The following DLG2 variants were observed in gnomAD, a reference collection of about 807,000 sequenced individuals.
DLG2 encodes discs large MAGUK scaffold protein 2, also known as disks large homolog 2.
In DLG2, 45 loss-of-function variants were observed where a neutral mutation model predicts 132.5. The ratio of observed to expected loss-of-function variants is 0.34; its 90% CI spans 0.27 to 0.44. The LOEUF (loss-of-function observed/expected upper bound fraction) is 0.44, where lower values mean the gene tolerates loss of function less well. Among genes scored for constraint, DLG2 ranks in the 20% least tolerant of loss-of-function variants. The pLI is 1.00. For missense variants in DLG2, 1,045 were observed against 1,196.9 expected, an observed-to-expected ratio of 0.87 and a Z score of 1.87; for synonymous variants, 424 against 419.6, an observed-to-expected ratio of 1.01 and a Z score of -0.13.
chr11:84,817,663 T>C (rs1176011861), intron 6 of DLG2, among the ~76,000 whole-genome samples: 2 of 152,022 alleles, frequency 1.3e-5, no homozygotes, highest in African/African-American at 2.4e-5. Context: ...ATGCATATTA[T>C]GTATTCTCTA....
chr11:85,116,743 A>G (rs910990767), intron 5 of DLG2, among the ~76,000 whole-genome samples: 3 of 152,030 alleles, frequency 2.0e-5, no homozygotes, highest in Non-Finnish European at 4.4e-5. Flanking sequence ...ATGAGATTCC[A>G]AAGGAGGCTA....
chr11:85,173,183 G>T (rs985365694), intron 4 of DLG2, among the ~76,000 whole-genome samples: 1 of 152,044 alleles, frequency 6.6e-6, no homozygotes, highest in Non-Finnish European at 1.5e-5. Flanking sequence ...GATTCTCCTA[G>T]GTTGAAATGA....
At chr11:84,149,125 T>C (rs111791008) in intron 9 of DLG2, among the ~76,000 whole-genome samples, 2 of 152,292 alleles carry the variant, frequency 1.3e-5, no homozygotes, top group African/African-American at 4.8e-5. Context: ...TATTAGACCT[T>C]TGTAGATGTA....
chr11:85,416,567 T>C (rs1597131688), intron 3 of DLG2, among the ~76,000 whole-genome samples: 1 of 152,178 alleles, frequency 6.6e-6, no homozygotes, highest in South Asian at 2.1e-4. Flanking sequence ...ATTCTTCCTA[T>C]CCATCAGTAT....
intron 3 of DLG2, among the ~76,000 whole-genome samples, chr11:85,422,181 A>G (rs2090368131): frequency 6.6e-6 from 1 of 152,224 alleles, no homozygotes; most frequent in Non-Finnish European, 1.5e-5. Context: ...ATCTTTTTGC[A>G]ATGAATTTCC....
intron 19 of DLG2, among the ~76,000 whole-genome samples, chr11:83,621,860 G>A (rs113560028): frequency 5.9e-4 from 90 of 152,076 alleles, no homozygotes; most frequent in Middle Eastern, 3.4e-3. Flanking sequence ...GTGTTCCCCC[G>A]TCCCACACCT....
At chr11:84,411,052 C>A (rs1253414484) in intron 7 of DLG2, among the ~76,000 whole-genome samples, 1 of 152,192 alleles carries the variant, frequency 6.6e-6, no homozygotes, top group Non-Finnish European at 1.5e-5. Flanking sequence ...CTCCATACAT[C>A]TAAACAAACC....
chr11:84,054,725 T>C (rs1209612707), intron 11 of DLG2, among the ~76,000 whole-genome samples: 1 of 152,032 alleles, frequency 6.6e-6, no homozygotes, highest in African/African-American at 2.4e-5. Flanking sequence ...ATAGACCAAA[T>C]CAATACAGAG....
intron 7 of DLG2, among the ~76,000 whole-genome samples, chr11:84,376,327 G>A (rs1319397292): frequency 2.0e-5 from 3 of 151,878 alleles, no homozygotes; most frequent in Non-Finnish European, 4.4e-5. Flanking sequence ...CAGATTCTAT[G>A]GATGAAGGCA....
chr11:84,837,815 C>G (rs1048784737), intron 6 of DLG2, among the ~76,000 whole-genome samples: 3 of 151,784 alleles, frequency 2.0e-5, no homozygotes, highest in Admixed American at 6.6e-5. Flanking sequence ...CAGTGACACA[C>G]CACTCTTGCT....
chr11:84,361,510 A>G (rs2098649545), intron 7 of DLG2, among the ~76,000 whole-genome samples: 1 of 152,000 alleles, frequency 6.6e-6, no homozygotes, highest in East Asian at 1.9e-4. Flanking sequence ...AAATCTTATA[A>G]TATTCATTGC....
At chr11:84,566,557 T>C (rs1193809942) in intron 6 of DLG2, among the ~76,000 whole-genome samples, 1 of 152,178 alleles carries the variant, frequency 6.6e-6, no homozygotes, top group Non-Finnish European at 1.5e-5. Context: ...AAAAGTTGAA[T>C]ATATAGAAGA....
intron 3 of DLG2, among the ~76,000 whole-genome samples, chr11:85,451,269 T>C (rs1474807071): frequency 6.6e-6 from 1 of 152,132 alleles, no homozygotes; most frequent in Non-Finnish European, 1.5e-5. Flanking sequence ...AAATATTACC[T>C]AAAAATACAT....
chr11:85,091,414 T>C (rs570924649), intron 6 of DLG2, among the ~76,000 whole-genome samples: 1 of 152,208 alleles, frequency 6.6e-6, no homozygotes, highest in Non-Finnish European at 1.5e-5. Flanking sequence ...GGATGGTAGA[T>C]GATGAAGACT....
rs1161930005 is a variant in DLG2, at chr11:85,459,962, A to G, written c.40+138695T>C. On this transcript the variant is annotated intron_variant, in intron 3 of 27. Transcript: ENST00000376104. ...GTACAGGAGATCTGTACCACTCCCTAAACATTAAGTACTCTGCAGAGCCTG... is the reference window on the plus strand; with the variant it reads ...GTACAGGAGATCTGTACCACTCCCTGAACATTAAGTACTCTGCAGAGCCTG... 2.6e-5 allele frequency among the ~76,000 whole-genome samples: 4 copies of G among 152,296 alleles called. No homozygotes were observed. In the East Asian group the frequency reaches 7.7e-4, roughly 29 times the overall value.
Position 85,304,537 on chromosome 11 carries a change from C to A in DLG2, c.41-19172G>T, listed in dbSNP as rs143357862. Reference sequence around the variant, plus strand: ...TCCCAAAATCTGAAATCTGAAATGCCCCCAAATCTGAAACTTTTTGAGTGC... The same window carrying A: ...TCCCAAAATCTGAAATCTGAAATGCACCCAAATCTGAAACTTTTTGAGTGC... On this transcript the variant is annotated intron_variant, in intron 3 of 27. Transcript: ENST00000376104. Among the ~76,000 whole-genome samples, 6 of 152,060 alleles carry A rather than the reference C, an allele frequency of 3.9e-5. No individual in the cohort carries two copies. In the East Asian group the frequency reaches 9.7e-4, roughly 25 times the overall value.
intron 7 of DLG2, among the ~76,000 whole-genome samples, chr11:84,292,250 G>C (rs1354007474): frequency 6.6e-6 from 1 of 152,188 alleles, no homozygotes; most frequent in East Asian, 1.9e-4. Flanking sequence ...GACATATGTG[G>C]TAAGTTATTC....
At chr11:84,261,001 G>T (rs1414383173) in intron 7 of DLG2, among the ~76,000 whole-genome samples, 2 of 152,122 alleles carry the variant, frequency 1.3e-5, no homozygotes, top group African/African-American at 4.8e-5. Flanking sequence ...ACTCTATGTG[G>T]TGCTATTCCT....
intron 7 of DLG2, among the ~76,000 whole-genome samples, chr11:84,310,422 G>C (rs771469206): frequency 6.6e-6 from 1 of 152,162 alleles, no homozygotes; most frequent in Non-Finnish European, 1.5e-5. Flanking sequence ...TCCTAGCACA[G>C]TGTCTCACAC....
Sources: allele counts gnomAD v4.1 joint callset (sites outside exome capture counted in the v4.1 genomes callset), GRCh38; gene constraint gnomAD v4.1.1; transcripts MANE v1.5; gene names NCBI Gene and HGNC (gene_info 2026-07-23, HGNC 2026-07-21).